Variants in GABRA4 observed in about 807,000 individuals in gnomAD.
The protein encoded by GABRA4 is gamma-aminobutyric acid type A receptor subunit alpha4.
GABRA4 carries 12 observed loss-of-function variants against 49.7 expected under a neutral mutation model. The ratio of observed to expected loss-of-function variants is 0.24; its 90% CI spans 0.15 to 0.39. The LOEUF is 0.39. Among genes scored for constraint, GABRA4 ranks in the 10% least tolerant of loss-of-function variants. GABRA4 has a pLI of 1.00. For synonymous variants in GABRA4, 288 were observed against 240.2 expected (o/e 1.20, Z -1.84); for missense variants, 506 against 686.0 (o/e 0.74, Z 2.93).
intron 2 of GABRA4, among the ~76,000 whole-genome samples, chr4:46,985,873 T>A (rs1442651609): frequency 1.3e-5 from 2 of 152,012 alleles, no homozygotes; most frequent in Non-Finnish European, 2.9e-5. Flanking sequence ...TTCTTTCAGC[T>A]ATGCCTTCCC....
chr4:46,981,727 T>C (rs143223357), intron 2 of GABRA4, among the ~76,000 whole-genome samples: 13 of 152,228 alleles, frequency 8.5e-5, no homozygotes, highest in Non-Finnish European at 1.8e-4. Context: ...GACAGAATGC[T>C]ATCATTTCTA....
chr4:46,982,659 G>A (rs1196851573), intron 2 of GABRA4, among the ~76,000 whole-genome samples: 1 of 152,020 alleles, frequency 6.6e-6, no homozygotes, highest in African/African-American at 2.4e-5. Context: ...TATAGGTCGT[G>A]GTAAGAAGTT....
chr4:46,992,835 T>G lies in GABRA4; in HGVS notation c.198A>C (p.Gly66=). ...LDGYDNRLRP[G]FGGPVTEVKT... ...GTTTGAAATCGTTCATACCCCCAAA[T>G]CCAGGACGCAGCCTGTTGTCATAAC... Residue 66 remains glycine (G), a synonymous_variant, in exon 2 of 9, where the codon GGA becomes GGC. Coordinates refer to ENST00000264318, the MANE Select transcript of GABRA4 (RefSeq NM_000809.4). The G allele has an allele frequency of 6.2e-7, 1 of 1,613,042 alleles. No homozygotes were observed. The highest frequency in any genetic ancestry group is 8.5e-7 in the Non-Finnish European group (1 of 1,179,236).
Position 46,958,995 on chromosome 4 carries a change from A to G in GABRA4, c.1134+5975T>C, listed in dbSNP as rs190244461. On this transcript the variant is annotated intron_variant, in intron 8 of 8. Coordinates refer to ENST00000264318, the MANE Select transcript of GABRA4 (RefSeq NM_000809.4). ...TACAAGTTGGAACACATATTTGAAT[A>G]AGCAAATTTCAGCTTCCTGATTGAA... Among the ~76,000 whole-genome samples, 412 of 152,134 alleles carry G rather than the reference A, an allele frequency of 2.7e-3. 3 individuals are homozygous for G. The highest frequency in any genetic ancestry group is 0.01 in the Middle Eastern group (3 of 294).
chr4:46,951,494 G>A (rs1002005493), intron 8 of GABRA4, among the ~76,000 whole-genome samples: 3 of 151,644 alleles, frequency 2.0e-5, no homozygotes, highest in Non-Finnish European at 2.9e-5. Context: ...TTGTTACGCT[G>A]GAGATAGTAA....
chr4:46,924,914 A>C lies in GABRA4; in HGVS notation c.*3311T>G, dbSNP rs1721157875. On this transcript the variant is annotated 3_prime_UTR_variant, in exon 9 of 9. Coordinates refer to ENST00000264318, the MANE Select transcript of GABRA4 (RefSeq NM_000809.4). ...CTTAGAGAGGTTAAGAGACTTGTTTAAAACCACAAGACACTCAGAACTTGA... is the reference window on the plus strand; with the variant it reads ...CTTAGAGAGGTTAAGAGACTTGTTTCAAACCACAAGACACTCAGAACTTGA... The C allele has an allele frequency of 6.6e-6, 1 of 151,992 alleles. No individual in the cohort carries two copies. The highest frequency in any genetic ancestry group is 2.4e-5 in the African/African-American group (1 of 41,428). The allele number at this position is 151,992 out of a possible 1,614,324, so 9.4% of individuals were successfully genotyped here. A position where few individuals can be genotyped will look rare whatever the true frequency, so the allele number is the denominator to read the frequency against.
intron 8 of GABRA4, among the ~76,000 whole-genome samples, chr4:46,939,167 G>A (rs1721707535): frequency 6.6e-6 from 1 of 151,930 alleles, no homozygotes; most frequent in Non-Finnish European, 1.5e-5. Flanking sequence ...TAAGGATAAG[G>A]CAGACCGATA....
intron 3 of GABRA4, 100 bp downstream of exon 3, chr4:46,978,931 T>C (rs1409268859): frequency 3.8e-6 from 3 of 779,512 alleles, no homozygotes; most frequent in African/African-American, 1.7e-5. Flanking sequence ...TTTAGGTTTC[T>C]GGCTTTGTGT....
At position 46,971,114 on chromosome 4, in the gene GABRA4, A is replaced by C; in HGVS notation, c.843T>G (p.Asn281Lys). 1 of 1,609,458 alleles carries C rather than the reference A, an allele frequency of 6.2e-7. No individual in the cohort carries two copies. Among genetic ancestry groups the C allele is most frequent in the South Asian group, 1.1e-5 (1 of 90,896 alleles). ...CAGTCCTAGCGGGAACTGATTCTTT[A>C]TTTATCCAAAATGAAACTTGAGAAA... Reference protein sequence around the residue: ...VILSQVSFWINKESVPARTVF... With the variant: ...VILSQVSFWIKKESVPARTVF... Residue 281 changes from asparagine to lysine, a missense_variant, in exon 7 of 9, where the codon AAT becomes AAG. Physicochemically the swap from Asn to Lys is moderately conservative, Grantham distance 94 (BLOSUM62 0). Around this residue, in one of 5 missense-constraint regions of GABRA4, gnomAD observed 33 missense variants for 102.5 expected, o/e 0.32. Coordinates refer to ENST00000264318, the MANE Select transcript of GABRA4 (RefSeq NM_000809.4).
intron 2 of GABRA4, among the ~76,000 whole-genome samples, chr4:46,982,768 G>T (rs144035024): frequency 5.9e-5 from 9 of 151,912 alleles, no homozygotes; most frequent in African/African-American, 1.9e-4. Context: ...TCTGACAATG[G>T]TATTGACAAT....
chr4:46,933,851 C>G (rs563464399), intron 8 of GABRA4, among the ~76,000 whole-genome samples: 1 of 152,228 alleles, frequency 6.6e-6, no homozygotes, highest in Middle Eastern at 3.4e-3. Context: ...ATTACTTTGT[C>G]ATTAGTCACA....
rs17599102 is a variant in GABRA4 at position 46,926,817 on chromosome 4, C to T, written c.*1408G>A. On this transcript the variant is annotated 3_prime_UTR_variant, in exon 9 of 9. Transcript: ENST00000264318. ...TGAGAAAGAAGTCAGTAGATGAAAA[C>T]CCTGATAAATCACATAGCAGAGTCA... 0.25 allele frequency: 38,581 copies of T among 151,672 alleles called. 5,039 individuals are homozygous for T. Among genetic ancestry groups the T allele is most frequent in the East Asian group, 0.29 (1,486 of 5,158 alleles). 9.4% of individuals were successfully genotyped at this position (151,672 alleles called of 1,614,324 possible). A position where few individuals can be genotyped will look rare whatever the true frequency, so the allele number is the denominator to read the frequency against.
intron 8 of GABRA4, among the ~76,000 whole-genome samples, chr4:46,930,177 A>C (rs899260345): frequency 1.3e-5 from 2 of 152,056 alleles, no homozygotes; most frequent in Non-Finnish European, 2.9e-5. Context: ...TATTCTTCTA[A>C]GCAGGGTGCA....
At chr4:46,972,125 A>G (rs372668414) in intron 6 of GABRA4, among the ~76,000 whole-genome samples, 1 of 151,600 alleles carries the variant, frequency 6.6e-6, no homozygotes. Context: ...TCCAAAAATA[A>G]ATTTTCCTGG....
At chr4:46,967,112 A>T (rs1722790259) in intron 7 of GABRA4, among the ~76,000 whole-genome samples, 1 of 151,720 alleles carries the variant, frequency 6.6e-6, no homozygotes, top group Non-Finnish European at 1.5e-5. Context: ...TAACAATTTA[A>T]ATTTAATGGG....
At chr4:46,987,350 C>T (rs1434450931) in intron 2 of GABRA4, among the ~76,000 whole-genome samples, 4 of 152,092 alleles carry the variant, frequency 2.6e-5, no homozygotes, top group Admixed American at 2.6e-4. Flanking sequence ...TTAGTGAAGT[C>T]TCCACTAATT....
At position 46,979,097 on chromosome 4, in the gene GABRA4, A is replaced by T; in HGVS notation, c.207T>A (p.Gly69=). Residue 69 remains glycine (G), a splice_region_variant and synonymous_variant, in exon 3 of 9, where the codon GGT becomes GGA. Transcript: ENST00000264318. ...YDNRLRPGFG[G]PVTEVKTDIY... The stretch of plus-strand genomic sequence containing the variant: ...TGTCAGTTTTCACTTCTGTAACAGG[A>T]CCTAACGGGTATGAAGTAAATAAGT... 1 of 1,598,780 alleles carries T rather than the reference A, an allele frequency of 6.3e-7. No individual in the cohort carries two copies. The highest frequency in any genetic ancestry group is 8.6e-7 in the Non-Finnish European group (1 of 1,166,948).
Position 46,965,103 on chromosome 4 carries a change from A to G in GABRA4, c.1001T>C (p.Leu334Pro). 6.2e-7 allele frequency: 1 copy of G among 1,612,198 alleles called. No homozygotes were observed. The change falls in exon 8 of 9, where the codon CTT becomes CCT. Residue 334 changes from leucine (L) to proline (P), a missense_variant. Physicochemically the swap from Leu to Pro is moderately conservative, Grantham distance 98. Around this residue, in one of 5 missense-constraint regions of GABRA4, gnomAD observed 33 missense variants for 102.5 expected, o/e 0.32. Coordinates refer to ENST00000264318, the MANE Select transcript of GABRA4 (RefSeq NM_000809.4). ...AVCFAFVFSA[L>P]IEFAAVNYFT... ...ATAGTTGACAGCAGCAAACTCGATA[A>G]GGGCCGAAAATACAAAAGCAAAGCA...
rs1721242131 is a variant in GABRA4 at position 46,926,714 on chromosome 4, A to C, written c.*1511T>G. 1 of 151,944 alleles carries C rather than the reference A, an allele frequency of 6.6e-6. No individual in the cohort carries two copies. The highest frequency in any genetic ancestry group is 1.5e-5 in the Non-Finnish European group (1 of 67,908). 9.4% of individuals were successfully genotyped at this position (151,944 alleles called of 1,614,324 possible). On this transcript the variant is annotated 3_prime_UTR_variant, in exon 9 of 9. Transcript: ENST00000264318. ...AAGCACAGAAGAAAATCTAGAGGCA[A>C]TATGACAAAAAACCATACTTAGATT...
Sources: allele counts gnomAD v4.1 joint callset (sites outside exome capture counted in the v4.1 genomes callset), GRCh38; gene constraint gnomAD v4.1.1; regional missense constraint gnomAD v4.1.1; transcripts MANE v1.5; gene names NCBI Gene and HGNC (gene_info 2026-07-23, HGNC 2026-07-21).